Variants in FARP1 observed in about 807,000 individuals in gnomAD.
The protein encoded by FARP1 is FERM, ARHGEF and pleckstrin domain-containing protein 1.
In FARP1, 52 loss-of-function variants were observed where a neutral mutation model predicts 128.8. That is an observed-to-expected ratio of 0.40 (90% CI 0.32 to 0.51). FARP1 has a LOEUF of 0.51. Among genes scored for constraint, FARP1 ranks in the 20% least tolerant of loss-of-function variants. FARP1 has a pLI of 0.45. For synonymous variants in FARP1, 580 were observed against 551.8 expected, an observed-to-expected ratio of 1.05 and a Z score of -0.72; for missense variants, 1,333 against 1,367.9, an observed-to-expected ratio of 0.97 and a Z score of 0.40.
intron 2 of FARP1, among the ~76,000 whole-genome samples, chr13:98,324,840 G>C (rs1887163731): frequency 6.6e-6 from 1 of 152,212 alleles, no homozygotes; most frequent in Non-Finnish European, 1.5e-5. Flanking sequence ...TTTCTGACTT[G>C]AGCCACACAG....
chr13:98,352,661 C>T (rs1566909274), intron 3 of FARP1, among the ~76,000 whole-genome samples: 1 of 152,180 alleles, frequency 6.6e-6, no homozygotes, highest in Non-Finnish European at 1.5e-5. Context: ...GTATCAAGGT[C>T]ATAATGATAT....
chr13:98,199,709 G>A (rs1041775600), intron 1 of FARP1, among the ~76,000 whole-genome samples: 2 of 152,214 alleles, frequency 1.3e-5, no homozygotes, highest in African/African-American at 4.8e-5. Flanking sequence ...TAAGTCGAGT[G>A]AGGTTGGCTG....
rs145716479 is a variant in FARP1 at position 98,150,030 on chromosome 13, C to A, written c.-24+6538C>A. Among the ~76,000 whole-genome samples, 30 of 150,282 alleles carry A rather than the reference C, an allele frequency of 2.0e-4. No homozygotes were observed. In the East Asian group the frequency reaches 5.9e-3, roughly 30 times the overall value. ...GGGATTACAGTCTTGAGCCACCGCG[C>A]CCGGCCAAATATTTACTTTTTTTTT... On this transcript the variant is annotated intron_variant, in intron 1 of 26. Coordinates refer to ENST00000319562, the MANE Select transcript of FARP1 (RefSeq NM_005766.4).
chr13:98,442,988 C>T (rs1892591120), intron 24 of FARP1, among the ~76,000 whole-genome samples: 1 of 152,228 alleles, frequency 6.6e-6, no homozygotes, highest in African/African-American at 2.4e-5. Context: ...GGCCCAGAGC[C>T]ACCTGCAGCC....
intron 3 of FARP1, among the ~76,000 whole-genome samples, chr13:98,359,095 G>T (rs904715620): frequency 6.6e-6 from 1 of 152,168 alleles, no homozygotes; most frequent in African/African-American, 2.4e-5. Flanking sequence ...GTTAAGAAGA[G>T]AACTGAACTT....
chr13:98,255,884 A>G (rs1036859016), intron 2 of FARP1, among the ~76,000 whole-genome samples: 31 of 152,216 alleles, frequency 2.0e-4, no homozygotes, highest in African/African-American at 7.2e-4. Flanking sequence ...TAGTAGAAAC[A>G]TGTAGCTGGA....
chr13:98,417,791 T>G (rs777832112), intron 16 of FARP1, among the ~76,000 whole-genome samples: 17 of 152,180 alleles, frequency 1.1e-4, no homozygotes, highest in Non-Finnish European at 1.9e-4. Flanking sequence ...GTCAGAAAAT[T>G]GTTTTGCTGC....
intron 1 of FARP1, among the ~76,000 whole-genome samples, chr13:98,173,082 G>T (rs1292534720): frequency 6.6e-6 from 1 of 152,140 alleles, no homozygotes; most frequent in Non-Finnish European, 1.5e-5. Flanking sequence ...TTTAGCTCCA[G>T]CACTGGGTAT....
chr13:98,222,626 T>TC (rs1881482181), intron 2 of FARP1, among the ~76,000 whole-genome samples: 2 of 151,758 alleles, frequency 1.3e-5, no homozygotes, highest in Admixed American at 6.6e-5. Context: ...AGGGTGCTTT[T>TC]TTTTTTTGTT....
At chr13:98,306,063 C>T (rs115424392) in intron 2 of FARP1, among the ~76,000 whole-genome samples, 2,590 of 152,286 alleles carry the variant, frequency 0.017, 57 homozygotes, top group African/African-American at 0.059. Context: ...GGGTTGGTCA[C>T]TGATCATGCA....
chr13:98,420,076 C>CG, intron 16 of FARP1, among the ~76,000 whole-genome samples: 1 of 152,058 alleles, frequency 6.6e-6, no homozygotes, highest in Non-Finnish European at 1.5e-5. Flanking sequence ...CCCTAGGGCT[C>CG]GTGATGCTTT....
At chr13:98,430,349 G>A (rs1342552136) in intron 17 of FARP1, among the ~76,000 whole-genome samples, 1 of 152,230 alleles carries the variant, frequency 6.6e-6, no homozygotes, top group African/African-American at 2.4e-5. Flanking sequence ...AGCAAACTCG[G>A]TTTTTGTGTC....
At chr13:98,154,234 ACT>A (rs1876335260) in intron 1 of FARP1, among the ~76,000 whole-genome samples, 1 of 152,078 alleles carries the variant, frequency 6.6e-6, no homozygotes, top group Non-Finnish European at 1.5e-5. Context: ...GCTGCTATAA[ACT>A]CTCACATACA....
chr13:98,415,681 G>A (rs1461360083), intron 16 of FARP1, among the ~76,000 whole-genome samples: 1 of 152,240 alleles, frequency 6.6e-6, no homozygotes, highest in Non-Finnish European at 1.5e-5. Flanking sequence ...GGCTAAATCT[G>A]TTCAGTGAGA....
intron 2 of FARP1, among the ~76,000 whole-genome samples, chr13:98,242,098 G>A (rs770254860): frequency 4.6e-5 from 7 of 152,138 alleles, no homozygotes; most frequent in Non-Finnish European, 8.8e-5. Context: ...ATGTAGCAAT[G>A]TGTCTTGCAT....
At chr13:98,446,598 G>A in intron 25 of FARP1, 68 bp from the exon 26 acceptor site, 1 of 1,532,470 alleles carries the variant, frequency 6.5e-7, no homozygotes, top group Non-Finnish European at 9.0e-7. Flanking sequence ...TCTGATGCGG[G>A]GCAGCAGCCA....
intron 2 of FARP1, among the ~76,000 whole-genome samples, chr13:98,248,097 A>G (rs1249352251): frequency 6.6e-6 from 1 of 152,182 alleles, no homozygotes; most frequent in African/African-American, 2.4e-5. Flanking sequence ...TGTCTTCCCA[A>G]ACAGGCCAAT....
chr13:98,393,091 A>G (rs1476636677), intron 11 of FARP1, among the ~76,000 whole-genome samples: 2 of 152,166 alleles, frequency 1.3e-5, no homozygotes, highest in Non-Finnish European at 2.9e-5. Flanking sequence ...AGGCAGACTG[A>G]GAGGGAAGAG....
intron 2 of FARP1, among the ~76,000 whole-genome samples, chr13:98,241,045 G>A (rs188707976): frequency 3.2e-3 from 494 of 152,340 alleles, no homozygotes; most frequent in Non-Finnish European, 3.6e-3. Context: ...TCCAGCACGC[G>A]CACATGGCAG....
Sources: allele counts gnomAD v4.1 joint callset (sites outside exome capture counted in the v4.1 genomes callset), GRCh38; gene constraint gnomAD v4.1.1; transcripts MANE v1.5; gene names NCBI Gene and HGNC (gene_info 2026-07-23, HGNC 2026-07-21).